The following DOCK1 variants were observed in gnomAD, a reference collection of about 807,000 sequenced individuals.
DOCK1 encodes the protein dedicator of cytokinesis 1.
Under a neutral mutation model 262.7 loss-of-function variants are expected in DOCK1, and 138 were observed. The observed-to-expected ratio is 0.53, with a 90% CI of 0.46 to 0.61. The LOEUF (loss-of-function observed/expected upper bound fraction) is 0.61. Among genes scored for constraint, DOCK1 ranks in the 20% least tolerant of loss-of-function variants. The pLI, the probability that DOCK1 is intolerant of heterozygous loss-of-function variation, is 0.00. For synonymous variants in DOCK1, 866 were observed against 867.4 expected (o/e 1.00, Z 0.03); for missense variants, 1,908 against 2,370.7 (o/e 0.80, Z 4.05).
intron 23 of DOCK1, among the ~76,000 whole-genome samples, chr10:127,086,290 T>G (rs190325220): frequency 6.6e-6 from 1 of 151,504 alleles, no homozygotes; most frequent in African/African-American, 2.4e-5. Context: ...CACCCACTTA[T>G]GTAGACTTCC....
In DOCK1 at chr10:127,419,682, G is replaced by A. The variant is rs754653090; in HGVS notation, c.4709G>A (p.Arg1570Gln). Residue 1570 changes from arginine (R) to glutamine (Q), a missense_variant, in exon 46 of 52, where the codon CGG (arginine) becomes CAG (glutamine). Arg to Gln is a conservative substitution (Grantham distance 43). Around this residue, in one of 9 missense-constraint regions of DOCK1, gnomAD observed 383 missense variants for 420.1 expected, o/e 0.91. Transcript: ENST00000623213. ...CTCCACCAGGCCTTCTTTACAGACCGGTACCTGCAGGAGCACCCTGAGGCC... is the reference window on the plus strand; with the variant it reads ...CTCCACCAGGCCTTCTTTACAGACCAGTACCTGCAGGAGCACCCTGAGGCC... ...ANYEKAFFTD[R>Q]YLQEHPEAHE... is the part of the protein sequence containing the mutation. 1.1e-4 allele frequency: 174 copies of A among 1,604,708 alleles called. No individual in the cohort carries two copies. Among genetic ancestry groups the A allele is most frequent in the Non-Finnish European group, 1.4e-4 (160 of 1,175,474 alleles).
intron 28 of DOCK1, among the ~76,000 whole-genome samples, 163 bp downstream of exon 28, chr10:127,248,272 C>T (rs1311347946): frequency 1.3e-5 from 2 of 152,204 alleles, no homozygotes; most frequent in African/African-American, 4.8e-5. Context: ...AGCCTTGTTT[C>T]TAACAAGACA....
intron 32 of DOCK1, among the ~76,000 whole-genome samples, chr10:127,356,020 T>G (rs2064128570): frequency 6.6e-6 from 1 of 152,224 alleles, no homozygotes; most frequent in Non-Finnish European, 1.5e-5. Flanking sequence ...CCTGCACCAT[T>G]GCATCCTTTC....
intron 29 of DOCK1, among the ~76,000 whole-genome samples, chr10:127,291,742 T>C (rs1405365982): frequency 1.3e-5 from 2 of 152,204 alleles, no homozygotes; most frequent in African/African-American, 2.4e-5. Flanking sequence ...TGCTCTCCTG[T>C]TGCGCTGGCT....
At chr10:127,438,162 C>T (rs1591060996) in intron 48 of DOCK1, among the ~76,000 whole-genome samples, 1 of 152,218 alleles carries the variant, frequency 6.6e-6, no homozygotes, top group African/African-American at 2.4e-5. Flanking sequence ...AGAGTTGGAT[C>T]CATTTCTTCC....
At chr10:127,280,034 A>ATATATATATATATAT (rs1554939125) in intron 29 of DOCK1, among the ~76,000 whole-genome samples, 43 of 91,376 alleles carry the variant, frequency 4.7e-4, no homozygotes, top group African/African-American at 8.6e-4. Flanking sequence ...ATATATATAT[A>ATATATATATATATAT]ATTTTTTTTT....
At chr10:127,096,802 G>A (rs2047935078) in intron 23 of DOCK1, among the ~76,000 whole-genome samples, 1 of 151,920 alleles carries the variant, frequency 6.6e-6, no homozygotes, top group Non-Finnish European at 1.5e-5. Flanking sequence ...TTTGCTTAGA[G>A]ACGAGTATAA....
intron 32 of DOCK1, among the ~76,000 whole-genome samples, chr10:127,360,922 G>A (rs2064388812): frequency 6.6e-6 from 1 of 152,064 alleles, no homozygotes; most frequent in Admixed American, 6.6e-5. Context: ...ATCTCGTAAG[G>A]TTACCGTGAA....
chr10:127,042,457 A>G (rs1220268153), intron 19 of DOCK1, among the ~76,000 whole-genome samples, 168 bp from the exon 20 acceptor site: 1 of 152,040 alleles, frequency 6.6e-6, no homozygotes, highest in African/African-American at 2.4e-5. Flanking sequence ...CGCTCATCCA[A>G]AATTTTTGTC....
chr10:127,199,346 G>A (rs939995871), intron 27 of DOCK1, among the ~76,000 whole-genome samples: 5 of 152,052 alleles, frequency 3.3e-5, no homozygotes. Flanking sequence ...TGAGTTTGAG[G>A]TCTCAATTTC....
At chr10:127,304,702 T>C (rs1275838319) in intron 29 of DOCK1, among the ~76,000 whole-genome samples, 1 of 152,048 alleles carries the variant, frequency 6.6e-6, no homozygotes, top group Non-Finnish European at 1.5e-5. Flanking sequence ...CTGGGCAACA[T>C]AGGGAGACCT....
chr10:127,018,732 A>G lies in DOCK1; in HGVS notation c.1224A>G (p.Leu408=). Residue 408 remains leucine, a synonymous_variant, in exon 13 of 52, where the codon TTA becomes TTG. Coordinates refer to ENST00000623213, the MANE Select transcript of DOCK1 (RefSeq NM_001290223.2). ...CAGGTTTGTGGGTAACATTGAAATT[A>G]CTTCCTGGAGATATCCATCAGATCC... ...KGQGLWVTLK[L]LPGDIHQIRK... is the part of the protein sequence containing the mutation. The G allele has an allele frequency of 6.2e-7, 1 of 1,614,058 alleles. No individual in the cohort carries two copies. The highest frequency in any genetic ancestry group is 8.5e-7 in the Non-Finnish European group (1 of 1,179,906).
chr10:127,448,086 C>T (rs2070704872), intron 51 of DOCK1, among the ~76,000 whole-genome samples: 1 of 152,164 alleles, frequency 6.6e-6, no homozygotes, highest in South Asian at 2.1e-4. Flanking sequence ...CTGCAGAGGA[C>T]AGCCAGGTTT....
At chr10:127,230,806 C>G (rs2058814423) in intron 27 of DOCK1, among the ~76,000 whole-genome samples, 1 of 150,418 alleles carries the variant, frequency 6.6e-6, no homozygotes, top group Admixed American at 6.6e-5. Context: ...TTTGGTGGTT[C>G]CAAACCCATC....
In DOCK1 at chr10:127,175,812, G is replaced by A; in HGVS notation, c.2847+48048G>A. Reference sequence around the variant, plus strand: ...GCTGAGCGGCTCCGGGCTTTTACAGGGCTCTGTGCAGTTGACCCCCAAAGG... The same window carrying A: ...GCTGAGCGGCTCCGGGCTTTTACAGAGCTCTGTGCAGTTGACCCCCAAAGG... On this transcript the variant is annotated intron_variant, in intron 27 of 51. Coordinates refer to ENST00000623213, the MANE Select transcript of DOCK1 (RefSeq NM_001290223.2). The surrounding 1 kb of genome is among the most constrained non-coding windows in gnomAD (Gnocchi z 6.3). The A allele has an allele frequency of 6.2e-7, 1 of 1,614,090 alleles. No homozygotes were observed. The highest frequency in any genetic ancestry group is 1.1e-5 in the South Asian group (1 of 91,076).
At chr10:127,391,238 A>G (rs943211) in intron 38 of DOCK1, among the ~76,000 whole-genome samples, 74,095 of 152,034 alleles carry the variant, frequency 0.49, 18,500 homozygotes, top group African/African-American at 0.58. Flanking sequence ...CTGTGACTCA[A>G]TTTCATTTCT....
At chr10:126,970,679 T>C (rs771809166) in intron 1 of DOCK1, 23 bp from the exon 2 acceptor site, 23 of 1,572,740 alleles carry the variant, frequency 1.5e-5, no homozygotes, top group Non-Finnish European at 5.2e-6. Context: ...ATTACTAATA[T>C]ATTTCCCCTT....
intron 28 of DOCK1, among the ~76,000 whole-genome samples, chr10:127,248,639 T>C (rs970260017): frequency 6.6e-6 from 1 of 152,250 alleles, no homozygotes; most frequent in African/African-American, 2.4e-5. Flanking sequence ...TTATTGCTTA[T>C]GAACTACCTC....
chr10:127,150,554 C>T, intron 27 of DOCK1, among the ~76,000 whole-genome samples: 1 of 152,238 alleles, frequency 6.6e-6, no homozygotes, highest in East Asian at 1.9e-4. Context: ...TAACTGGCTT[C>T]TCTGTCTTTG....
Sources: gnomAD v4.1 joint callset for allele counts (sites outside exome capture counted in the v4.1 genomes callset) on GRCh38, gnomAD v4.1.1 for gene constraint, gnomAD v4.1.1 regional missense constraint, Gnocchi (gnomAD v3.1) non-coding constraint, MANE v1.5 for transcripts, NCBI Gene and HGNC (gene_info 2026-07-23, HGNC 2026-07-21) for gene names.